Variants in PPP2R3A observed in about 807,000 individuals in gnomAD.
PPP2R3A encodes the protein protein phosphatase 2 regulatory subunit B''alpha, also known as serine/threonine-protein phosphatase 2A regulatory subunit B'' subunit alpha.
A neutral mutation model predicts 106.9 loss-of-function variants in PPP2R3A; 80 were observed. That is an observed-to-expected ratio of 0.75 (90% CI 0.62 to 0.90). The LOEUF (loss-of-function observed/expected upper bound fraction) is 0.90. Among genes scored for constraint, PPP2R3A ranks in the 40% least tolerant of loss-of-function variants. PPP2R3A has a pLI of 0.00. For missense variants in PPP2R3A, 1,386 were observed against 1,350.4 expected, an observed-to-expected ratio of 1.03 and a Z score of -0.41; for synonymous variants, 483 against 468.3, an observed-to-expected ratio of 1.03 and a Z score of -0.41.
chr3:136,135,476 A>G (rs1358201917), intron 13 of PPP2R3A, among the ~76,000 whole-genome samples: 1 of 152,168 alleles, frequency 6.6e-6, no homozygotes, highest in Non-Finnish European at 1.5e-5. Flanking sequence ...AGAATCACAG[A>G]TATGTCAGGG....
chr3:136,136,093 T>TATATATATATAA (rs1221985359), intron 13 of PPP2R3A, among the ~76,000 whole-genome samples: 18 of 118,588 alleles, frequency 1.5e-4, no homozygotes, highest in African/African-American at 6.0e-4. Flanking sequence ...TATATATATA[T>TATATATATATAA]AAAAAACATC....
chr3:136,007,192 CTT>C (rs1019774830), intron 2 of PPP2R3A, among the ~76,000 whole-genome samples: 5 of 152,236 alleles, frequency 3.3e-5, no homozygotes, highest in Non-Finnish European at 7.3e-5. Context: ...GTGAATCTCT[CTT>C]AAGTTTCCAC....
Position 136,002,262 on chromosome 3 carries a change from A to C in PPP2R3A, c.764A>C (p.Lys255Thr). 6.2e-7 allele frequency: 1 copy of C among 1,613,960 alleles called. No individual in the cohort carries two copies. Among genetic ancestry groups the C allele is most frequent in the Non-Finnish European group, 8.5e-7 (1 of 1,179,954 alleles). Reference protein sequence around the residue: ...KCTDIIKQCIKKKSGSSISEG... With the variant: ...KCTDIIKQCITKKSGSSISEG... ...ACAGACATCATAAAACAATGCATAA[A>C]GAAAAAATCAGGGAGTAGCATCAGT... is the stretch of plus-strand genomic sequence containing the variant. The change falls in exon 2 of 14, where the codon AAG (lysine) becomes ACG (threonine). Residue 255 changes from lysine (K) to threonine (T), a missense_variant. By Grantham distance (78) the Lys-to-Thr change is moderately conservative (BLOSUM62 -1). Coordinates refer to ENST00000264977, the MANE Select transcript of PPP2R3A (RefSeq NM_002718.5).
intron 5 of PPP2R3A, among the ~76,000 whole-genome samples, chr3:136,069,571 C>CT (rs1576478342): frequency 1.3e-5 from 2 of 152,264 alleles, no homozygotes. Context: ...GAGCGAGACT[C>CT]TGTCTCAAAA....
At chr3:136,144,576 G>A (rs935807425) in intron 13 of PPP2R3A, among the ~76,000 whole-genome samples, 21 of 151,724 alleles carry the variant, frequency 1.4e-4, no homozygotes, top group African/African-American at 5.1e-4. Flanking sequence ...CAGGAGAATC[G>A]CCTGAACCTG....
chr3:136,028,937 C>G (rs1187739021), intron 3 of PPP2R3A, among the ~76,000 whole-genome samples: 1 of 152,130 alleles, frequency 6.6e-6, no homozygotes, highest in Non-Finnish European at 1.5e-5. Context: ...ACCACAATCT[C>G]CACCTCCCAG....
chr3:136,145,363 C>T lies in PPP2R3A; in HGVS notation c.*197C>T. The T allele has an allele frequency of 1.9e-6, 1 of 524,640 alleles. No individual in the cohort carries two copies. Among genetic ancestry groups the T allele is most frequent in the South Asian group, 2.3e-5 (1 of 43,906 alleles). 32.5% of individuals were successfully genotyped at this position (524,640 alleles called of 1,614,324 possible). Reference sequence around the variant, plus strand: ...GAGGCTCCTCCAATTTGCCTCAAACCTCTTACGGAGCTTCTCCTCAGAAGT... The same window carrying T: ...GAGGCTCCTCCAATTTGCCTCAAACTTCTTACGGAGCTTCTCCTCAGAAGT... On this transcript the variant is annotated 3_prime_UTR_variant, in exon 14 of 14. Transcript: ENST00000264977.
chr3:136,038,716 T>C (rs1031408949), intron 3 of PPP2R3A, among the ~76,000 whole-genome samples: 11 of 152,144 alleles, frequency 7.2e-5, no homozygotes, highest in Admixed American at 6.5e-4. Context: ...ACTAAGACTG[T>C]CTAAGAGCAT....
Position 135,978,886 on chromosome 3 carries a change from C to T in PPP2R3A, c.-441+13037C>T, listed in dbSNP as rs190652855. Among the ~76,000 whole-genome samples the T allele has an allele frequency of 3.3e-5, 5 of 151,894 alleles. 1 individual carries two copies. The highest frequency in any genetic ancestry group is 4.9e-5 in the African/African-American group (2 of 41,206). On this transcript the variant is annotated intron_variant, in intron 1 of 13. Coordinates refer to ENST00000264977, the MANE Select transcript of PPP2R3A (RefSeq NM_002718.5). Reference sequence around the variant, plus strand: ...TTCTTTACATGACAAAATAGTTCATCTACTCTGAATGGAAGTTAAAATTTT... The same window carrying T: ...TTCTTTACATGACAAAATAGTTCATTTACTCTGAATGGAAGTTAAAATTTT...
intron 8 of PPP2R3A, among the ~76,000 whole-genome samples, chr3:136,084,953 A>T (rs991005524): frequency 2.0e-5 from 3 of 152,206 alleles, no homozygotes; most frequent in Non-Finnish European, 4.4e-5. Flanking sequence ...ACAGGCTCAT[A>T]GGTGGAAGGA....
At chr3:136,041,625 G>T (rs1935291185) in intron 4 of PPP2R3A, among the ~76,000 whole-genome samples, 1 of 151,876 alleles carries the variant, frequency 6.6e-6, no homozygotes, top group South Asian at 2.1e-4. Context: ...TCCCCTTTAT[G>T]GGGGGCAAAT....
At chr3:135,967,509 A>C (rs866550124) in intron 1 of PPP2R3A, among the ~76,000 whole-genome samples, 11 of 152,198 alleles carry the variant, frequency 7.2e-5, no homozygotes, top group Non-Finnish European at 1.3e-4. Context: ...GAGAGAATGG[A>C]AGTTTTGTTT....
intron 2 of PPP2R3A, among the ~76,000 whole-genome samples, chr3:136,015,040 C>A (rs1445837750): frequency 6.6e-6 from 1 of 152,078 alleles, no homozygotes; most frequent in Non-Finnish European, 1.5e-5. Flanking sequence ...TAAAGGGATG[C>A]TGGATTTTGT....
intron 13 of PPP2R3A, chr3:136,106,827 G>A (rs1456148817): frequency 6.6e-6 from 1 of 151,908 alleles, no homozygotes; most frequent in African/African-American, 2.4e-5. Flanking sequence ...GGAAGGCTGA[G>A]GCAGGAGAAT....
intron 13 of PPP2R3A, among the ~76,000 whole-genome samples, chr3:136,128,356 G>A (rs978299406): frequency 6.7e-6 from 1 of 149,894 alleles, no homozygotes; most frequent in Non-Finnish European, 1.5e-5. Flanking sequence ...AAAAAAAAAG[G>A]AGGGGTTGCA....
chr3:136,010,720 C>T (rs1934038293), intron 2 of PPP2R3A, among the ~76,000 whole-genome samples: 1 of 151,966 alleles, frequency 6.6e-6, no homozygotes, highest in Non-Finnish European at 1.5e-5. Context: ...GCCACCGCGC[C>T]CATCCCCAAA....
At chr3:136,000,210 A>G (rs1387497688) in intron 1 of PPP2R3A, among the ~76,000 whole-genome samples, 1 of 152,108 alleles carries the variant, frequency 6.6e-6, no homozygotes, top group Non-Finnish European at 1.5e-5. Flanking sequence ...ACATGCCACC[A>G]TATGATAAGT....
chr3:135,986,269 AAGTTTTCAGG>A (rs1932914386), intron 1 of PPP2R3A, among the ~76,000 whole-genome samples: 1 of 152,108 alleles, frequency 6.6e-6, no homozygotes, highest in South Asian at 2.1e-4. Context: ...CGGAAGGGTT[AAGTTTTCAGG>A]AGGTAGAAGG....
chr3:135,991,341 C>A (rs1450006031), intron 1 of PPP2R3A, among the ~76,000 whole-genome samples: 1 of 149,410 alleles, frequency 6.7e-6, no homozygotes, highest in Non-Finnish European at 1.5e-5. Flanking sequence ...TATATGTTCT[C>A]CTCCAAAATA....
Sources: gnomAD v4.1 joint callset for allele counts (sites outside exome capture counted in the v4.1 genomes callset) on GRCh38, gnomAD v4.1.1 for gene constraint, MANE v1.5 for transcripts, NCBI Gene and HGNC (gene_info 2026-07-23, HGNC 2026-07-21) for gene names.